SGCZ: variants seen among roughly 807,000 people sequenced by gnomAD.
SGCZ encodes the protein zeta-sarcoglycan.
A neutral mutation model predicts 41.3 loss-of-function variants in SGCZ; 40 were observed. The observed-to-expected ratio is 0.97, with a 90% confidence interval of 0.75 to 1.26. The LOEUF is 1.26. SGCZ is among the 50% of genes most tolerant of loss of function. The pLI is 0.00. For synonymous variants in SGCZ, 206 were observed against 137.5 expected (o/e 1.50, Z -3.49); for missense variants, 552 against 369.8 (o/e 1.49, Z -4.04).
intron 2 of SGCZ, among the ~76,000 whole-genome samples, chr8:14,367,227 T>G (rs1360099802): frequency 6.6e-6 from 1 of 152,036 alleles, no homozygotes; most frequent in African/African-American, 2.4e-5. Flanking sequence ...TTCCAAGAAG[T>G]TTCTCATCAT....
chr8:14,425,821 G>A (rs190690232), intron 2 of SGCZ, among the ~76,000 whole-genome samples: 7 of 151,876 alleles, frequency 4.6e-5, no homozygotes, highest in Non-Finnish European at 4.4e-5. Flanking sequence ...TAAAATGTCA[G>A]TATTAAATAA....
intron 1 of SGCZ, among the ~76,000 whole-genome samples, chr8:15,207,709 T>C (rs1020374518): frequency 7.3e-4 from 111 of 152,008 alleles, no homozygotes; most frequent in African/African-American, 2.5e-3. Flanking sequence ...AATAGAAAAT[T>C]TGGAAGTGAA....
chr8:14,355,706 T>C (rs964295069), intron 2 of SGCZ, among the ~76,000 whole-genome samples: 1 of 152,082 alleles, frequency 6.6e-6, no homozygotes, highest in South Asian at 2.1e-4. Context: ...AAGTTTTTAA[T>C]TAAAAGACTC....
chr8:14,675,791 T>G (rs1286425776), intron 1 of SGCZ, among the ~76,000 whole-genome samples: 1 of 152,154 alleles, frequency 6.6e-6, no homozygotes. Flanking sequence ...ATATCAAAGA[T>G]AAAAACAAGC....
intron 1 of SGCZ, among the ~76,000 whole-genome samples, chr8:15,134,025 A>C (rs561149676): frequency 6.6e-6 from 1 of 152,148 alleles, no homozygotes; most frequent in Non-Finnish European, 1.5e-5. Context: ...TTATCAGCTT[A>C]AGTATGTGCT....
intron 1 of SGCZ, among the ~76,000 whole-genome samples, chr8:15,029,428 G>C (rs772778589): frequency 2.6e-5 from 4 of 152,018 alleles, no homozygotes; most frequent in African/African-American, 7.2e-5. Flanking sequence ...GCATGTTCAT[G>C]CATGTGTGTG....
intron 1 of SGCZ, among the ~76,000 whole-genome samples, chr8:15,095,202 G>A (rs1275765791): frequency 1.3e-5 from 2 of 152,008 alleles, no homozygotes; most frequent in African/African-American, 2.4e-5. Context: ...GGGTTCAAGC[G>A]ACTCTCCTGC....
chr8:14,587,187 G>C (rs540467003), intron 1 of SGCZ, among the ~76,000 whole-genome samples: 55 of 151,872 alleles, frequency 3.6e-4, no homozygotes, highest in African/African-American at 1.3e-3. Context: ...TACATAATGA[G>C]AGGGTTTTAC....
intron 4 of SGCZ, among the ~76,000 whole-genome samples, chr8:14,204,603 G>C (rs1388865541): frequency 5.3e-5 from 8 of 152,146 alleles, no homozygotes; most frequent in African/African-American, 1.4e-4. Flanking sequence ...TTTCAGAGGA[G>C]ATTGTGTATG....
At position 14,087,936 on chromosome 8, in the gene SGCZ, T is replaced by G. The variant is rs1801572054; in HGVS notation, c.*2507A>C. 1.3e-5 allele frequency among the ~76,000 whole-genome samples: 2 copies of G among 151,760 alleles called. No individual in the cohort carries two copies. Among genetic ancestry groups the G allele is most frequent in the Non-Finnish European group, 3.0e-5 (2 of 67,780 alleles). On this transcript the variant is annotated 3_prime_UTR_variant, in exon 8 of 8. Transcript: ENST00000382080. Reference sequence around the variant, plus strand: ...TTTCTACTGTACTGAACCGATTTGTTATATCATCTGGATACAGTCTAAAGC... The same window carrying G: ...TTTCTACTGTACTGAACCGATTTGTGATATCATCTGGATACAGTCTAAAGC...
intron 1 of SGCZ, among the ~76,000 whole-genome samples, chr8:14,599,664 C>T (rs1301342681): frequency 2.0e-5 from 3 of 152,248 alleles, no homozygotes; most frequent in South Asian, 4.1e-4. Context: ...TTCATCTATA[C>T]CCATAAATTC....
intron 3 of SGCZ, among the ~76,000 whole-genome samples, chr8:14,283,849 G>C (rs534427536): frequency 1.3e-5 from 2 of 152,316 alleles, no homozygotes; most frequent in South Asian, 2.1e-4. Flanking sequence ...GCAAGTGGCA[G>C]ACTCTGAATT....
intron 2 of SGCZ, among the ~76,000 whole-genome samples, chr8:14,477,984 T>C (rs574186112): frequency 6.6e-6 from 1 of 152,302 alleles, no homozygotes; most frequent in East Asian, 1.9e-4. Context: ...AGACTTTAAT[T>C]TTCCAAGTAA....
At chr8:14,608,809 G>A (rs188573206) in intron 1 of SGCZ, among the ~76,000 whole-genome samples, 213 of 151,828 alleles carry the variant, frequency 1.4e-3, no homozygotes, top group African/African-American at 4.9e-3. Flanking sequence ...ACAAATATTC[G>A]AACCATATCG....
intron 1 of SGCZ, among the ~76,000 whole-genome samples, chr8:15,115,619 A>G (rs1041845783): frequency 2.0e-5 from 3 of 152,242 alleles, no homozygotes; most frequent in Non-Finnish European, 1.5e-5. Flanking sequence ...TTAGAGAGAT[A>G]CATGCAACGG....
At chr8:14,529,254 G>C (rs1326107624) in intron 2 of SGCZ, among the ~76,000 whole-genome samples, 2 of 152,092 alleles carry the variant, frequency 1.3e-5, no homozygotes, top group Admixed American at 6.6e-5. Context: ...ATATGCTGAA[G>C]GGCAAGTAAG....
chr8:14,219,772 G>A lies in SGCZ; in HGVS notation c.424+17820C>T, dbSNP rs1037279004. 1.1e-4 allele frequency among the ~76,000 whole-genome samples: 16 copies of A among 151,760 alleles called. No homozygotes were observed. In the South Asian group the frequency reaches 3.3e-3, roughly 32 times the overall value. On this transcript the variant is annotated intron_variant, in intron 4 of 7. Transcript: ENST00000382080. ...AAAAAAAAAAAAAGTTTAATGAATT[G>A]TGCTATGAAGTTTTGCCTCATTCAC... is the stretch of plus-strand genomic sequence containing the variant.
At chr8:14,735,639 G>A (rs1034274051) in intron 1 of SGCZ, among the ~76,000 whole-genome samples, 7 of 152,188 alleles carry the variant, frequency 4.6e-5, no homozygotes, top group African/African-American at 7.2e-5. Context: ...CTTGCAGATG[G>A]CCTATAGTGA....
intron 2 of SGCZ, among the ~76,000 whole-genome samples, chr8:14,462,566 A>G (rs558348987): frequency 6.6e-6 from 1 of 151,842 alleles, no homozygotes; most frequent in Non-Finnish European, 1.5e-5. Flanking sequence ...TCTGTATTCT[A>G]TTCCATTGGT....
Sources: allele counts gnomAD v4.1 joint callset (sites outside exome capture counted in the v4.1 genomes callset), GRCh38; gene constraint gnomAD v4.1.1; transcripts MANE v1.5; gene names NCBI Gene and HGNC (gene_info 2026-07-23, HGNC 2026-07-21).